Variants in WWOX observed in about 807,000 individuals in gnomAD.
WWOX encodes WW domain-containing oxidoreductase.
A neutral mutation model predicts 46.2 loss-of-function variants in WWOX; 69 were observed. The ratio of observed to expected loss-of-function variants is 1.49; its 90% confidence interval spans 1.23 to 1.82. WWOX has a LOEUF of 1.82. Ranked by LOEUF, WWOX falls within the 40% of genes most tolerant of loss-of-function variation. The pLI is 0.00. For synonymous variants in WWOX, 359 were observed against 202.6 expected, an observed-to-expected ratio of 1.77 and a Z score of -6.56; for missense variants, 919 against 542.6, an observed-to-expected ratio of 1.69 and a Z score of -6.89.
chr16:78,871,619 G>T (rs183055153), intron 8 of WWOX, among the ~76,000 whole-genome samples: 2 of 152,292 alleles, frequency 1.3e-5, no homozygotes, highest in East Asian at 3.9e-4. Context: ...AGGCTCTAGA[G>T]AAATGGCTAT....
chr16:78,407,549 A>G (rs1390363680), intron 6 of WWOX, among the ~76,000 whole-genome samples: 1 of 152,204 alleles, frequency 6.6e-6, no homozygotes, highest in African/African-American at 2.4e-5. Flanking sequence ...GGTGGTGTCT[A>G]CTGCTGCTCC....
chr16:79,105,664 T>A (rs953032971), intron 8 of WWOX, among the ~76,000 whole-genome samples: 1 of 151,824 alleles, frequency 6.6e-6, no homozygotes, highest in Non-Finnish European at 1.5e-5. Context: ...CTTTTTGTTT[T>A]TTTTTTTTTT....
At chr16:78,898,621 C>T (rs745474346) in intron 8 of WWOX, 3 of 152,018 alleles carry the variant, frequency 2.0e-5, no homozygotes, top group Admixed American at 6.6e-5. Flanking sequence ...ATATATATTT[C>T]CTGATCAGCT....
At chr16:78,534,700 CTTTTTATT>C (rs1340028985) in intron 8 of WWOX, 1 of 151,920 alleles carries the variant, frequency 6.6e-6, no homozygotes, top group Non-Finnish European at 1.5e-5. Flanking sequence ...TGCTTTACAT[CTTTTTATT>C]TTTTTATTTC....
At chr16:78,705,974 C>G (rs1320983541) in intron 8 of WWOX, among the ~76,000 whole-genome samples, 2 of 151,066 alleles carry the variant, frequency 1.3e-5, no homozygotes, top group Non-Finnish European at 2.9e-5. Context: ...GCTGTGCGTA[C>G]AGCAGTGACT....
At chr16:78,625,395 A>G (rs1437030934) in intron 8 of WWOX, among the ~76,000 whole-genome samples, 2 of 152,072 alleles carry the variant, frequency 1.3e-5, no homozygotes, top group Admixed American at 1.3e-4. Context: ...ACAATCCACA[A>G]CCTACTACTA....
intron 8 of WWOX, among the ~76,000 whole-genome samples, chr16:78,651,321 C>T (rs8064010): frequency 0.063 from 9,612 of 152,248 alleles, 350 homozygotes; most frequent in Non-Finnish European, 0.08. Context: ...GGCTGTGGTT[C>T]CTTTGTGTCT....
intron 8 of WWOX, among the ~76,000 whole-genome samples, chr16:78,859,050 G>GTATATATACATATA (rs2052652195): frequency 2.4e-5 from 1 of 40,840 alleles, no homozygotes; most frequent in African/African-American, 1.1e-4. Context: ...ATATATATAT[G>GTATATATACATATA]TATATATATA....
Position 78,991,646 on chromosome 16 carries a change from C to T in WWOX, c.1057-219962C>T, listed in dbSNP as rs998034504. The stretch of plus-strand genomic sequence containing the variant: ...ATTCTCCACCTACCAGTGGTGGGGC[C>T]CCTTGGGTAACTTGTTTTCACTCCC... On this transcript the variant is annotated intron_variant, in intron 8 of 8. Coordinates refer to ENST00000566780, the MANE Select transcript of WWOX (RefSeq NM_016373.4). Among the ~76,000 whole-genome samples the T allele has an allele frequency of 1.8e-4, 26 of 148,072 alleles. No individual in the cohort carries two copies. In the South Asian group the frequency reaches 1.8e-3, roughly 10 times the overall value.
At chr16:78,714,827 T>C in intron 8 of WWOX, among the ~76,000 whole-genome samples, 1 of 152,170 alleles carries the variant, frequency 6.6e-6, no homozygotes, top group East Asian at 1.9e-4. Flanking sequence ...GATTTTATTC[T>C]AGCTGCAGTG....
intron 8 of WWOX, among the ~76,000 whole-genome samples, chr16:78,970,255 C>G (rs2046444132): frequency 6.6e-6 from 1 of 152,172 alleles, no homozygotes; most frequent in Non-Finnish European, 1.5e-5. Flanking sequence ...CAGTTAGAGA[C>G]TCAGATTTAT....
At chr16:78,340,926 G>C (rs1481543116) in intron 5 of WWOX, among the ~76,000 whole-genome samples, 1 of 119,264 alleles carries the variant, frequency 8.4e-6, no homozygotes, top group East Asian at 1.9e-4. Context: ...GTTATGAAAT[G>C]ATGGTATCCT....
chr16:79,019,487 T>A (rs936230453), intron 8 of WWOX, among the ~76,000 whole-genome samples: 2 of 152,006 alleles, frequency 1.3e-5, no homozygotes, highest in African/African-American at 4.8e-5. Context: ...AAATATGATA[T>A]TATAATCTTT....
At chr16:78,168,295 T>A (rs1371662830) in intron 5 of WWOX, 1 of 152,250 alleles carries the variant, frequency 6.6e-6, no homozygotes, top group Middle Eastern at 3.2e-3. Context: ...AGAACATTCA[T>A]GTCTGCCTTT....
chr16:78,541,039 GA>G (rs2043879813), intron 8 of WWOX, among the ~76,000 whole-genome samples: 2 of 152,078 alleles, frequency 1.3e-5, no homozygotes, highest in Non-Finnish European at 2.9e-5. Context: ...GGCGTGGGTA[GA>G]TACAATTAAT....
At chr16:78,505,550 A>G (rs2085175904) in intron 8 of WWOX, among the ~76,000 whole-genome samples, 1 of 152,168 alleles carries the variant, frequency 6.6e-6, no homozygotes, top group African/African-American at 2.4e-5. Flanking sequence ...GCTGGGCTCT[A>G]GAGAAGTGCT....
intron 8 of WWOX, among the ~76,000 whole-genome samples, chr16:78,871,247 A>AT (rs1380143717): frequency 1.4e-5 from 2 of 146,506 alleles, no homozygotes; most frequent in Admixed American, 1.4e-4. Flanking sequence ...AAGAGGGGGG[A>AT]TTTTTCCCCC....
intron 8 of WWOX, among the ~76,000 whole-genome samples, chr16:78,492,134 A>G (rs2084798890): frequency 1.3e-5 from 2 of 152,202 alleles, no homozygotes; most frequent in South Asian, 2.1e-4. Flanking sequence ...TAAATGAGCA[A>G]CCTGGAAGAT....
At chr16:78,708,220 C>T (rs951691516) in intron 8 of WWOX, among the ~76,000 whole-genome samples, 3 of 152,132 alleles carry the variant, frequency 2.0e-5, no homozygotes, top group Non-Finnish European at 2.9e-5. Flanking sequence ...AACAGGACAC[C>T]TGGTTAAATG....
Sources: allele counts gnomAD v4.1 joint callset (sites outside exome capture counted in the v4.1 genomes callset), GRCh38; gene constraint gnomAD v4.1.1; transcripts MANE v1.5; gene names NCBI Gene and HGNC (gene_info 2026-07-23, HGNC 2026-07-21).